The following FABP12 variants were observed in gnomAD, a reference collection of about 807,000 sequenced individuals.
FABP12 encodes the protein fatty acid binding protein 12, also known as fatty acid-binding protein 12.
A neutral mutation model predicts 13.7 loss-of-function variants in FABP12; 19 were observed. The ratio of observed to expected loss-of-function variants is 1.39; its 90% CI spans 0.97 to 2.04. The LOEUF (loss-of-function observed/expected upper bound fraction) is 2.04. Among genes scored for constraint, FABP12 ranks in the 30% most tolerant of loss-of-function variants. The pLI is 0.00. For synonymous variants in FABP12, 61 were observed against 57.0 expected, an observed-to-expected ratio of 1.07 and a Z score of -0.32; for missense variants, 182 against 164.2, an observed-to-expected ratio of 1.11 and a Z score of -0.59.
chr8:81,552,247 A>G (rs1809534320), intron 1 of FABP12, among the ~76,000 whole-genome samples: 1 of 152,192 alleles, frequency 6.6e-6, no homozygotes. Flanking sequence ...GGAGATAACA[A>G]CAATTACAAA....
At chr8:81,525,061 T>A in exon 5 of FABP12, 1 of 1,597,080 alleles carries the variant, frequency 6.3e-7, no homozygotes. Flanking sequence ...AGTTTGAGAC[T>A]GAGTTTGATG....
chr8:81,573,246 A>G (rs1442655508), intron 1 of FABP12, among the ~76,000 whole-genome samples: 1 of 152,202 alleles, frequency 6.6e-6, no homozygotes, highest in Non-Finnish European at 1.5e-5. Flanking sequence ...TTTGTCAAAG[A>G]TCAGTTGGCT....
intron 1 of FABP12, among the ~76,000 whole-genome samples, chr8:81,542,908 G>T (rs6985243): frequency 0.029 from 4,386 of 152,238 alleles, 172 homozygotes; most frequent in African/African-American, 0.091. Flanking sequence ...GCTGGCAGGG[G>T]TGGGAGGTGT....
At chr8:81,565,245 T>A (rs1412874937) in intron 1 of FABP12, among the ~76,000 whole-genome samples, 1 of 151,994 alleles carries the variant, frequency 6.6e-6, no homozygotes, top group Non-Finnish European at 1.5e-5. Context: ...AGCTGGAGAA[T>A]TCAGTGCCCC....
chr8:81,576,120 C>T (rs965577603), intron 1 of FABP12, among the ~76,000 whole-genome samples: 1 of 152,112 alleles, frequency 6.6e-6, no homozygotes, highest in African/African-American at 2.4e-5. Context: ...GCCAAAAATA[C>T]ACAGCTATAA....
At chr8:81,541,910 TAAA>T (rs1167487132) in intron 1 of FABP12, among the ~76,000 whole-genome samples, 1,708 of 70,994 alleles carry the variant, frequency 0.024, 28 homozygotes, top group African/African-American at 0.059. Context: ...TCCCAGGGTT[TAAA>T]AAAAAAAAAA....
intron 3 of FABP12, among the ~76,000 whole-genome samples, chr8:81,527,837 T>C (rs943406150): frequency 1.3e-5 from 2 of 152,132 alleles, no homozygotes; most frequent in African/African-American, 4.8e-5. Flanking sequence ...CACATGCCTA[T>C]AGTCCCAGCT....
chr8:81,585,049 T>C (rs953037840), intron 1 of FABP12, among the ~76,000 whole-genome samples: 1 of 152,222 alleles, frequency 6.6e-6, no homozygotes, highest in East Asian at 1.9e-4. Context: ...TTCACTTTGT[T>C]GATTGTTTCT....
chr8:81,537,848 T>C (rs557761653), upstream of FABP12, among the ~76,000 whole-genome samples: 22 of 152,308 alleles, frequency 1.4e-4, no homozygotes, highest in African/African-American at 5.3e-4. Context: ...CACTGCTCCA[T>C]GCCAACATTC....
chr8:81,541,526 T>C (rs1264712503), intron 1 of FABP12, among the ~76,000 whole-genome samples: 1 of 152,208 alleles, frequency 6.6e-6, no homozygotes, highest in South Asian at 2.1e-4. Flanking sequence ...GCAATTCCCC[T>C]GGCCTCAGTC....
intron 1 of FABP12, among the ~76,000 whole-genome samples, chr8:81,569,225 TA>T (rs1251064295): frequency 6.6e-6 from 1 of 152,188 alleles, no homozygotes; most frequent in Non-Finnish European, 1.5e-5. Context: ...ACCTCATAAA[TA>T]TATATATCTG....
chr8:81,542,679 C>T (rs1404647297), intron 1 of FABP12, among the ~76,000 whole-genome samples: 1 of 152,180 alleles, frequency 6.6e-6, no homozygotes, highest in Non-Finnish European at 1.5e-5. Context: ...TGCCAGTGAT[C>T]TGCAGACAAG....
chr8:81,526,918 G>T, intron 4 of FABP12, 102 bp downstream of exon 4: 1 of 668,014 alleles, frequency 1.5e-6, no homozygotes, highest in Non-Finnish European at 2.5e-6. Flanking sequence ...TAAACTATGA[G>T]AACAAGGAAA....
chr8:81,554,989 T>A (rs539312792), intron 1 of FABP12, among the ~76,000 whole-genome samples: 152 of 151,476 alleles, frequency 1.0e-3, no homozygotes, highest in African/African-American at 3.6e-3. Context: ...GCATTCGAGA[T>A]GGAATGAGGT....
chr8:81,563,118 G>C (rs1391136012), intron 1 of FABP12, among the ~76,000 whole-genome samples: 1 of 152,208 alleles, frequency 6.6e-6, no homozygotes, highest in Non-Finnish European at 1.5e-5. Context: ...AAGGAGTGAA[G>C]ACCAGTCTCT....
intron 1 of FABP12, among the ~76,000 whole-genome samples, chr8:81,587,756 G>C (rs1036999457): frequency 6.6e-6 from 1 of 152,004 alleles, no homozygotes; most frequent in Non-Finnish European, 1.5e-5. Flanking sequence ...TCTCTAGAGG[G>C]ACAGAACTAA....
At chr8:81,558,957 T>C (rs1217574493) in intron 1 of FABP12, among the ~76,000 whole-genome samples, 1 of 146,848 alleles carries the variant, frequency 6.8e-6, no homozygotes, top group Non-Finnish European at 1.5e-5. Context: ...AAGGAGGACC[T>C]ACTAGTGACA....
intron 1 of FABP12, among the ~76,000 whole-genome samples, chr8:81,546,959 G>T (rs1809445339): frequency 6.6e-6 from 1 of 152,116 alleles, no homozygotes; most frequent in East Asian, 1.9e-4. Context: ...GTTATTACTT[G>T]CTCAAGCAGG....
chr8:81,529,293 C>A, intron 3 of FABP12, 145 bp downstream of exon 3: 1 of 756,918 alleles, frequency 1.3e-6, no homozygotes, highest in South Asian at 1.7e-5. Flanking sequence ...TTTGTATCTT[C>A]ACATTGACAT....
Sources: allele counts gnomAD v4.1 joint callset (sites outside exome capture counted in the v4.1 genomes callset), GRCh38; gene constraint gnomAD v4.1.1; transcripts MANE v1.5; gene names NCBI Gene and HGNC (gene_info 2026-07-23, HGNC 2026-07-21).